CSMD3: variants seen among roughly 807,000 people sequenced by gnomAD.
The protein encoded by CSMD3 is CUB and Sushi multiple domains 3.
CSMD3 carries 177 observed loss-of-function variants against 435.2 expected under a neutral mutation model. The ratio of observed to expected loss-of-function variants is 0.41; its 90% CI spans 0.36 to 0.46. The LOEUF (loss-of-function observed/expected upper bound fraction) is 0.46, where lower values mean the gene tolerates loss of function less well. CSMD3 is among the 20% of genes least tolerant of loss of function. CSMD3 has a pLI of 0.34. For synonymous variants in CSMD3, 1,656 were observed against 1,520.5 expected (o/e 1.09, Z -2.07); for missense variants, 4,265 against 4,504.6 (o/e 0.95, Z 1.52).
In CSMD3 at chr8:112,379,478, AC is replaced by A. The variant is rs202079847; in HGVS notation, c.6136+873del. 3.3e-3 allele frequency among the ~76,000 whole-genome samples: 496 copies of A among 152,232 alleles called. 4 individuals are homozygous for A. Among genetic ancestry groups the A allele is most frequent in the African/African-American group, 0.012 (483 of 41,534 alleles). ...GAGTGAAACTCCGTCTCAAACAAAA[AC>A]CAAAAAACCTGAAAAGCTACTAAAT... On this transcript the variant is annotated intron_variant, in intron 38 of 70. Transcript: ENST00000297405.
chr8:113,351,832 C>T (rs942825002), intron 1 of CSMD3, among the ~76,000 whole-genome samples: 3 of 152,108 alleles, frequency 2.0e-5, no homozygotes, highest in Non-Finnish European at 4.4e-5. Context: ...TGGTTTAAAG[C>T]CTTGTTTTCT....
At chr8:112,804,043 G>C (rs983082293) in intron 12 of CSMD3, among the ~76,000 whole-genome samples, 2 of 152,182 alleles carry the variant, frequency 1.3e-5, no homozygotes, top group African/African-American at 2.4e-5. Context: ...ACTCCTTGTA[G>C]CTGTACTCGA....
At chr8:113,012,424 C>A (rs1185954750) in intron 6 of CSMD3, among the ~76,000 whole-genome samples, 2 of 151,896 alleles carry the variant, frequency 1.3e-5, no homozygotes, top group East Asian at 1.9e-4. Context: ...TGTCCCCACT[C>A]AAATATCATC....
At chr8:112,982,302 A>T (rs1171012054) in intron 6 of CSMD3, among the ~76,000 whole-genome samples, 1 of 152,064 alleles carries the variant, frequency 6.6e-6, no homozygotes, top group Admixed American at 6.6e-5. Context: ...TTATAAGGTC[A>T]CAAAACTGAC....
At chr8:113,083,399 G>C (rs1432322292) in intron 5 of CSMD3, among the ~76,000 whole-genome samples, 1 of 151,970 alleles carries the variant, frequency 6.6e-6, no homozygotes, top group Non-Finnish European at 1.5e-5. Flanking sequence ...AAGCTAGGTA[G>C]CTTAAGTTCT....
chr8:112,804,613 G>A (rs1473527279), intron 12 of CSMD3, among the ~76,000 whole-genome samples: 7 of 151,886 alleles, frequency 4.6e-5, no homozygotes, highest in African/African-American at 7.3e-5. Flanking sequence ...CTGATGATAC[G>A]TACATTTCAA....
intron 4 of CSMD3, among the ~76,000 whole-genome samples, chr8:113,115,904 A>C (rs2090810564): frequency 1.3e-5 from 2 of 152,138 alleles, no homozygotes. Flanking sequence ...TAATGGGATT[A>C]GTGCCTAGAA....
At position 112,645,099 on chromosome 8, in the gene CSMD3, G is replaced by A. The variant is rs770008894; in HGVS notation, c.3310+10C>T. ...AGATAGTCCAATTATTATTTCATGA[G>A]GCAAATTACCTTTTCCATGGGTTAC... On this transcript the variant is annotated intron_variant, in intron 20 of 70. Coordinates refer to ENST00000297405, the MANE Select transcript of CSMD3 (RefSeq NM_198123.2). 7.9e-7 allele frequency: 1 copy of A among 1,265,406 alleles called. No individual in the cohort carries two copies. The allele number at this position is 1,265,406 out of a possible 1,614,324, so 78.4% of individuals were successfully genotyped here.
intron 1 of CSMD3, among the ~76,000 whole-genome samples, chr8:113,418,407 G>A (rs1167462679): frequency 1.3e-5 from 2 of 152,224 alleles, no homozygotes; most frequent in South Asian, 2.1e-4. Flanking sequence ...AGACTGAGCC[G>A]TGATTTTTGC....
chr8:112,759,747 C>A (rs887178094), intron 13 of CSMD3, among the ~76,000 whole-genome samples: 4 of 151,972 alleles, frequency 2.6e-5, no homozygotes, highest in African/African-American at 9.7e-5. Flanking sequence ...ATTTTCGCAG[C>A]CTTTTAGTGA....
intron 12 of CSMD3, among the ~76,000 whole-genome samples, chr8:112,809,323 G>T (rs2132376229): frequency 6.6e-6 from 1 of 152,254 alleles, no homozygotes; most frequent in African/African-American, 2.4e-5. Flanking sequence ...TGTGCTAGAA[G>T]GATCAAGTGC....
In CSMD3 at chr8:112,838,210, T is replaced by C. The variant is rs2080083062; in HGVS notation, c.1756-8421A>G. 1.3e-5 allele frequency among the ~76,000 whole-genome samples: 2 copies of C among 151,644 alleles called. 1 individual carries two copies. Among genetic ancestry groups the C allele is most frequent in the South Asian group, 4.1e-4 (2 of 4,828 alleles). On this transcript the variant is annotated intron_variant, in intron 11 of 70. Coordinates refer to ENST00000297405, the MANE Select transcript of CSMD3 (RefSeq NM_198123.2). ...GGAAAGAACATTCTAGGGTAGAATG[T>C]GAAATACGGCAAAGTGAAAAAAATA...
chr8:112,866,542 G>C (rs1032386256), intron 10 of CSMD3, among the ~76,000 whole-genome samples: 2 of 152,122 alleles, frequency 1.3e-5, no homozygotes, highest in Non-Finnish European at 2.9e-5. Context: ...TCCGCTAGAA[G>C]AATCAAGTTT....
At chr8:112,534,982 C>A (rs1054890814) in intron 27 of CSMD3, among the ~76,000 whole-genome samples, 6 of 151,670 alleles carry the variant, frequency 4.0e-5, no homozygotes, top group Non-Finnish European at 7.4e-5. Flanking sequence ...ATTCAACAAC[C>A]CTTCATGCTA....
At chr8:112,589,910 T>C (rs1019372331) in intron 22 of CSMD3, among the ~76,000 whole-genome samples, 12 of 152,090 alleles carry the variant, frequency 7.9e-5, no homozygotes, top group African/African-American at 2.7e-4. Context: ...CAGTAACAAA[T>C]GTATGACTCA....
At chr8:113,257,447 G>A (rs1159227621) in intron 3 of CSMD3, among the ~76,000 whole-genome samples, 4 of 151,948 alleles carry the variant, frequency 2.6e-5, no homozygotes, top group Non-Finnish European at 4.4e-5. Flanking sequence ...CAAAACTGCC[G>A]GAGCTTCTGC....
At chr8:113,301,398 T>C (rs1477391058) in intron 2 of CSMD3, among the ~76,000 whole-genome samples, 1 of 152,096 alleles carries the variant, frequency 6.6e-6, no homozygotes, top group Non-Finnish European at 1.5e-5. Context: ...AATAAATATA[T>C]TATGGCAATG....
intron 31 of CSMD3, 152 bp from the exon 32 acceptor site, chr8:112,472,859 A>C: frequency 1.6e-6 from 1 of 615,334 alleles, no homozygotes; most frequent in Non-Finnish European, 2.9e-6. Flanking sequence ...AGTGTTAAAT[A>C]TTTGAAAAAT....
chr8:112,931,103 G>A (rs2083092834), intron 9 of CSMD3, among the ~76,000 whole-genome samples: 1 of 151,842 alleles, frequency 6.6e-6, no homozygotes, highest in African/African-American at 2.4e-5. Flanking sequence ...GAATCAATTA[G>A]CTTTTTATTA....
Sources: gnomAD v4.1 joint callset for allele counts (sites outside exome capture counted in the v4.1 genomes callset) on GRCh38, gnomAD v4.1.1 for gene constraint, MANE v1.5 for transcripts, NCBI Gene and HGNC (gene_info 2026-07-23, HGNC 2026-07-21) for gene names.